Variants in NEK10 observed in about 807,000 individuals in gnomAD.
NEK10 encodes serine/threonine-protein kinase Nek10.
Under a neutral mutation model 159.8 loss-of-function variants are expected in NEK10, and 122 were observed. The observed-to-expected ratio is 0.76, with a 90% confidence interval of 0.66 to 0.89. The LOEUF is 0.89. Among genes scored for constraint, NEK10 ranks in the 40% least tolerant of loss-of-function variants. The pLI is 0.00. For missense variants in NEK10, 1,342 were observed against 1,323.1 expected, an observed-to-expected ratio of 1.01 and a Z score of -0.22; for synonymous variants, 466 against 457.1, an observed-to-expected ratio of 1.02 and a Z score of -0.25.
chr3:27,364,594 ATAAAAT>A (rs1335593206), intron 1 of NEK10, among the ~76,000 whole-genome samples: 1 of 152,232 alleles, frequency 6.6e-6, no homozygotes, highest in Non-Finnish European at 1.5e-5. Flanking sequence ...AATACTAGAG[ATAAAAT>A]TAAAAATAGA....
At position 27,182,456 on chromosome 3, in the gene NEK10, T is replaced by C. The variant is rs563988725; in HGVS notation, c.2506-7623A>G. ...CATGGAACAGAATAGAGTTCAGAAA[T>C]AGACCTGCAAGAAAGGGGAACCCTT... On this transcript the variant is annotated intron_variant, in intron 26 of 35. Transcript: ENST00000691995. 7.2e-5 allele frequency among the ~76,000 whole-genome samples: 11 copies of C among 152,152 alleles called. No homozygotes were observed. The East Asian group carries it at 9.7e-4, about 13-fold the overall frequency.
At chr3:27,220,601 A>C (rs1210775488) in intron 23 of NEK10, among the ~76,000 whole-genome samples, 1 of 151,890 alleles carries the variant, frequency 6.6e-6, no homozygotes, top group Non-Finnish European at 1.5e-5. Flanking sequence ...TTTTCTGCCT[A>C]TCACAATTGG....
At chr3:27,252,084 T>C in intron 23 of NEK10, 1 of 189,836 alleles carries the variant, frequency 5.3e-6, no homozygotes. Flanking sequence ...TTTCTTAAGA[T>C]TCTGCTAGTC....
intron 1 of NEK10, among the ~76,000 whole-genome samples, chr3:27,365,610 G>GTTTTTTTTTTTTTTTTTTTTTTTTTTT (rs71091129): frequency 1.0e-5 from 1 of 99,106 alleles, no homozygotes; most frequent in African/African-American, 4.0e-5. Context: ...TTTTTTTTGT[G>GTTTTTTTTTTTTTTTTTTTTTTTTTTT]TTTTTTTTTT....
chr3:27,231,744 G>T (rs530574487), intron 23 of NEK10, among the ~76,000 whole-genome samples: 1 of 151,862 alleles, frequency 6.6e-6, no homozygotes, highest in East Asian at 1.9e-4. Flanking sequence ...AGGAAATATA[G>T]AGGAAATGGA....
At chr3:27,324,784 G>A (rs866521002) in intron 5 of NEK10, among the ~76,000 whole-genome samples, 15 of 152,012 alleles carry the variant, frequency 9.9e-5, no homozygotes, top group Non-Finnish European at 1.2e-4. Flanking sequence ...ACCCCATCTC[G>A]TTCAGAATAA....
chr3:27,209,204 G>A (rs1395177125), intron 23 of NEK10, among the ~76,000 whole-genome samples: 1 of 152,176 alleles, frequency 6.6e-6, no homozygotes, highest in African/African-American at 2.4e-5. Context: ...AAACTAAAAT[G>A]TTCATTGGTG....
intron 23 of NEK10, among the ~76,000 whole-genome samples, chr3:27,231,545 T>C (rs999240043): frequency 3.3e-5 from 5 of 151,194 alleles, no homozygotes; most frequent in Admixed American, 3.3e-4. Context: ...AAAAGATAAA[T>C]GAAACAAAAA....
chr3:27,292,319 G>A (rs775259950), intron 16 of NEK10, among the ~76,000 whole-genome samples: 3 of 152,206 alleles, frequency 2.0e-5, no homozygotes, highest in Non-Finnish European at 4.4e-5. Context: ...TTTTTTGGGT[G>A]TGGAGCACTT....
intron 6 of NEK10, among the ~76,000 whole-genome samples, chr3:27,320,168 C>T (rs1160862226): frequency 6.6e-6 from 1 of 152,088 alleles, no homozygotes; most frequent in Admixed American, 6.5e-5. Flanking sequence ...GGACAATATT[C>T]GTTTAATATG....
chr3:27,364,397 TGTGTGTGTA>T (rs2048909685), intron 1 of NEK10, among the ~76,000 whole-genome samples: 1 of 107,410 alleles, frequency 9.3e-6, no homozygotes, highest in Non-Finnish European at 1.9e-5. Context: ...TGTGTGTGTG[TGTGTGTGTA>T]TAGTAGAGAC....
chr3:27,308,565 G>A (rs2044425275), intron 10 of NEK10, among the ~76,000 whole-genome samples: 1 of 152,106 alleles, frequency 6.6e-6, no homozygotes, highest in Admixed American at 6.5e-5. Flanking sequence ...GCCCACAGAT[G>A]TTTGAAAACG....
chr3:27,267,840 G>C (rs1164028657), intron 22 of NEK10, among the ~76,000 whole-genome samples: 1 of 152,216 alleles, frequency 6.6e-6, no homozygotes, highest in African/African-American at 2.4e-5. Flanking sequence ...ATGAAGCTTA[G>C]TGAGAAAGGC....
At chr3:27,137,782 T>C (rs1943371881) in intron 31 of NEK10, among the ~76,000 whole-genome samples, 1 of 152,084 alleles carries the variant, frequency 6.6e-6, no homozygotes, top group Non-Finnish European at 1.5e-5. Context: ...ACACCAGAGT[T>C]TGGACAAAAC....
At chr3:27,145,861 AT>A (rs1203885921) in intron 30 of NEK10, among the ~76,000 whole-genome samples, 1 of 150,802 alleles carries the variant, frequency 6.6e-6, no homozygotes, top group Non-Finnish European at 1.5e-5. Flanking sequence ...TTGGGAGGTG[AT>A]TAGGTCCTAA....
intron 30 of NEK10, among the ~76,000 whole-genome samples, chr3:27,148,074 C>T (rs1944480075): frequency 6.6e-6 from 1 of 152,062 alleles, no homozygotes. Flanking sequence ...TGAAACATCC[C>T]AAATAAATTA....
chr3:27,331,277 G>C (rs1380485623), intron 5 of NEK10, among the ~76,000 whole-genome samples: 1 of 95,992 alleles, frequency 1.0e-5, no homozygotes, highest in Non-Finnish European at 2.1e-5. Context: ...ACAAACCTAA[G>C]ACTTTTGAGG....
At chr3:27,314,135 G>A (rs781733731) in intron 7 of NEK10, among the ~76,000 whole-genome samples, 162 bp downstream of exon 7, 10 of 152,276 alleles carry the variant, frequency 6.6e-5, no homozygotes, top group Admixed American at 4.6e-4. Flanking sequence ...TCCCTGCTCT[G>A]TGAGTATCAT....
At chr3:27,361,040 T>G (rs1458267613) in intron 1 of NEK10, among the ~76,000 whole-genome samples, 1 of 152,226 alleles carries the variant, frequency 6.6e-6, no homozygotes. Context: ...GGACACTCCT[T>G]TAAGTGCTGA....
Sources: gnomAD v4.1 joint callset for allele counts (sites outside exome capture counted in the v4.1 genomes callset) on GRCh38, gnomAD v4.1.1 for gene constraint, MANE v1.5 for transcripts, NCBI Gene and HGNC (gene_info 2026-07-23, HGNC 2026-07-21) for gene names.